Variants in NHLRC2 observed in about 807,000 individuals in gnomAD.
The protein encoded by NHLRC2 is NHL repeat-containing protein 2.
NHLRC2 carries 33 observed loss-of-function variants against 68.1 expected under a neutral mutation model. That is an observed-to-expected ratio of 0.48 (90% CI 0.37 to 0.65). The LOEUF (loss-of-function observed/expected upper bound fraction) is 0.65, where lower values mean the gene tolerates loss of function less well. NHLRC2 is among the 30% of genes least tolerant of loss of function. The probability of loss-of-function intolerance (pLI) is 0.00; values close to 1 mark genes in which losing one functional copy is unlikely to be tolerated. For synonymous variants in NHLRC2, 311 were observed against 309.6 expected, an observed-to-expected ratio of 1.00 and a Z score of -0.05; for missense variants, 761 against 853.8, an observed-to-expected ratio of 0.89 and a Z score of 1.35.
chr10:113,899,989 T>A (rs1340934532), intron 6 of NHLRC2, among the ~76,000 whole-genome samples: 2 of 152,086 alleles, frequency 1.3e-5, no homozygotes, highest in African/African-American at 2.4e-5. Flanking sequence ...ATTTGAGTTG[T>A]CAAGGAGGGC....
At chr10:113,903,780 A>G in intron 9 of NHLRC2, 44 bp downstream of exon 9, 1 of 1,140,384 alleles carries the variant, frequency 8.8e-7, no homozygotes, top group Non-Finnish European at 1.3e-6. Context: ...GGTTTTAAGA[A>G]TGATACTAAG....
intron 5 of NHLRC2, among the ~76,000 whole-genome samples, chr10:113,885,858 T>C (rs1846077735): frequency 6.6e-6 from 1 of 152,004 alleles, no homozygotes; most frequent in African/African-American, 2.4e-5. Context: ...ATGATAAATG[T>C]ACATTTTTAT....
At position 113,912,097 on chromosome 10, in the gene NHLRC2, T is replaced by C. The variant is rs1846335819; in HGVS notation, c.*3561T>C. 6.6e-6 allele frequency: 1 copy of C among 152,192 alleles called. No individual in the cohort carries two copies. Among genetic ancestry groups the C allele is most frequent in the African/African-American group, 2.4e-5 (1 of 41,454 alleles). The allele number at this position is 152,192 out of a possible 1,614,324, so 9.4% of individuals were successfully genotyped here. A position where few individuals can be genotyped will look rare whatever the true frequency, so the allele number is the denominator to read the frequency against. On this transcript the variant is annotated 3_prime_UTR_variant, in exon 11 of 11. Transcript: ENST00000369301. ...CGTGAAGATAGCAATGGTTATGGCT[T>C]TTTTGTTCTGTTATTTTTATTGTGT...
chr10:113,857,412 A>G (rs139832184), intron 1 of NHLRC2, among the ~76,000 whole-genome samples: 1 of 152,140 alleles, frequency 6.6e-6, no homozygotes, highest in Admixed American at 6.5e-5. Context: ...AAACCTCATT[A>G]GTTTGGACTA....
intron 2 of NHLRC2, among the ~76,000 whole-genome samples, chr10:113,859,028 A>G (rs1393760816): frequency 6.6e-6 from 1 of 152,128 alleles, no homozygotes; most frequent in Admixed American, 6.5e-5. Context: ...CCTTAATTTT[A>G]CACTGTTTTC....
Position 113,910,234 on chromosome 10 carries a change from C to T in NHLRC2, c.*1698C>T, listed in dbSNP as rs1288588480. 6.6e-5 allele frequency: 10 copies of T among 152,222 alleles called. No individual in the cohort carries two copies. The allele number at this position is 152,222 out of a possible 1,614,324, so 9.4% of individuals were successfully genotyped here. A position where few individuals can be genotyped will look rare whatever the true frequency, so the allele number is the denominator to read the frequency against. ...TTTATTTTTGAGACGTAGTCTGGCT[C>T]TGTAGCCCAGGCTGGGAGGGCAGTG... On this transcript the variant is annotated 3_prime_UTR_variant, in exon 11 of 11. Coordinates refer to ENST00000369301, the MANE Select transcript of NHLRC2 (RefSeq NM_198514.4).
At chr10:113,864,677 C>A (rs1845847087) in intron 2 of NHLRC2, among the ~76,000 whole-genome samples, 4 of 137,558 alleles carry the variant, frequency 2.9e-5, no homozygotes, top group Non-Finnish European at 6.3e-5. Context: ...AGCCTTTCGA[C>A]AGAGCAAGAC....
Position 113,915,203 on chromosome 10 carries a change from T to C in NHLRC2, c.*6667T>C, listed in dbSNP as rs1265024588. On this transcript the variant is annotated 3_prime_UTR_variant, in exon 11 of 11. Transcript: ENST00000369301. Reference sequence around the variant, plus strand: ...AAGTGTACCAAAGGACATTTTGTTCTGTTGAAAGCCACAGGACCAAAAGGA... The same window carrying C: ...AAGTGTACCAAAGGACATTTTGTTCCGTTGAAAGCCACAGGACCAAAAGGA... The C allele has an allele frequency of 2.0e-5, 9 of 456,236 alleles. No individual in the cohort carries two copies. The highest frequency in any genetic ancestry group is 4.0e-5 in the Non-Finnish European group (9 of 226,982). The allele number at this position is 456,236 out of a possible 1,614,324, so 28.3% of individuals were successfully genotyped here.
chr10:113,865,073 C>G (rs1331302811), intron 2 of NHLRC2, among the ~76,000 whole-genome samples: 1 of 151,836 alleles, frequency 6.6e-6, no homozygotes, highest in Non-Finnish European at 1.5e-5. Context: ...CCTCAGCCTC[C>G]CGAGTAGCTG....
chr10:113,873,079 A>G (rs117934951), intron 2 of NHLRC2, among the ~76,000 whole-genome samples: 1 of 152,330 alleles, frequency 6.6e-6, no homozygotes, highest in East Asian at 1.9e-4. Context: ...TAGACTGGCC[A>G]TGCTTTTCAC....
Position 113,914,891 on chromosome 10 carries a change from A to G in NHLRC2, c.*6355A>G, listed in dbSNP as rs1016855228. ...AGGCTTTACTAATCTACCTATATGTATTCCATGGCTAACAAACCCTGGCCC... is the reference window on the plus strand; with the variant it reads ...AGGCTTTACTAATCTACCTATATGTGTTCCATGGCTAACAAACCCTGGCCC... On this transcript the variant is annotated 3_prime_UTR_variant, in exon 11 of 11. Transcript: ENST00000369301. 162 of 421,434 alleles carry G rather than the reference A, an allele frequency of 3.8e-4. No individual in the cohort carries two copies. The highest frequency in any genetic ancestry group is 5.9e-4 in the Non-Finnish European group (127 of 214,790). The allele number at this position is 421,434 out of a possible 1,614,324, so 26.1% of individuals were successfully genotyped here.
chr10:113,899,495 A>G (rs570473309), intron 6 of NHLRC2, among the ~76,000 whole-genome samples: 1 of 152,320 alleles, frequency 6.6e-6, no homozygotes, highest in African/African-American at 2.4e-5. Context: ...ATGCTAGGCA[A>G]TAGGGATGAA....
chr10:113,865,795 A>C (rs1202746893), intron 2 of NHLRC2, among the ~76,000 whole-genome samples: 1 of 152,152 alleles, frequency 6.6e-6, no homozygotes, highest in Non-Finnish European at 1.5e-5. Context: ...ATTGATTAGA[A>C]GATAAGTTCA....
chr10:113,858,525 C>T lies in NHLRC2; in HGVS notation c.179-3C>T, dbSNP rs764653847. 13 of 1,574,998 alleles carry T rather than the reference C, an allele frequency of 8.3e-6. No homozygotes were observed. Among genetic ancestry groups the T allele is most frequent in the South Asian group, 1.2e-5 (1 of 86,648 alleles). On this transcript the variant is annotated splice_polypyrimidine_tract_variant and splice_region_variant and intron_variant, in intron 1 of 10. Coordinates refer to ENST00000369301, the MANE Select transcript of NHLRC2 (RefSeq NM_198514.4). ...ATTGTAATTTATTTTATGTAAATTT[C>T]AGGATTAGAATGGCTGAACACAGAA...
At chr10:113,881,904 C>T (rs1589541919) in intron 4 of NHLRC2, among the ~76,000 whole-genome samples, 2 of 151,742 alleles carry the variant, frequency 1.3e-5, no homozygotes, top group Non-Finnish European at 1.5e-5. Context: ...CTTTCTGTCT[C>T]TATAAATTTG....
chr10:113,888,276 T>A (rs981963679), intron 5 of NHLRC2, among the ~76,000 whole-genome samples: 1 of 152,166 alleles, frequency 6.6e-6, no homozygotes, highest in African/African-American at 2.4e-5. Context: ...GTTATTAATG[T>A]GTATTTCACA....
At chr10:113,872,947 T>C (rs1182068522) in intron 2 of NHLRC2, among the ~76,000 whole-genome samples, 1 of 152,076 alleles carries the variant, frequency 6.6e-6, no homozygotes, top group Non-Finnish European at 1.5e-5. Flanking sequence ...AATCTACATA[T>C]TGAAAGGGCC....
At chr10:113,869,883 C>T (rs1347857188) in intron 2 of NHLRC2, among the ~76,000 whole-genome samples, 2 of 152,158 alleles carry the variant, frequency 1.3e-5, no homozygotes, top group East Asian at 3.8e-4. Flanking sequence ...AGGCTGTCTT[C>T]TGTGATCTTT....
At chr10:113,876,109 T>TAA (rs74263601) in intron 2 of NHLRC2, among the ~76,000 whole-genome samples, 1 of 144,036 alleles carries the variant, frequency 6.9e-6, no homozygotes, top group African/African-American at 2.5e-5. Context: ...AAAGTTAGAT[T>TAA]AAAAAAAAAA....
Sources: gnomAD v4.1 joint callset for allele counts (sites outside exome capture counted in the v4.1 genomes callset) on GRCh38, gnomAD v4.1.1 for gene constraint, MANE v1.5 for transcripts, NCBI Gene and HGNC (gene_info 2026-07-23, HGNC 2026-07-21) for gene names.